The following CADPS2 variants were observed in gnomAD, a reference collection of about 807,000 sequenced individuals.
CADPS2 encodes calcium-dependent secretion activator 2.
Under a neutral mutation model 172.5 loss-of-function variants are expected in CADPS2, and 93 were observed. The ratio of observed to expected loss-of-function variants is 0.54; its 90% CI spans 0.46 to 0.64. The LOEUF is 0.64. Among genes scored for constraint, CADPS2 ranks in the 30% least tolerant of loss-of-function variants. The pLI is 0.00. For missense variants in CADPS2, 1,420 were observed against 1,565.9 expected, an observed-to-expected ratio of 0.91 and a Z score of 1.57; for synonymous variants, 546 against 555.2, an observed-to-expected ratio of 0.98 and a Z score of 0.23.
intron 2 of CADPS2, among the ~76,000 whole-genome samples, chr7:122,715,997 A>G (rs889006840): frequency 2.2e-4 from 33 of 152,224 alleles, no homozygotes; most frequent in Admixed American, 2.0e-3. Context: ...CAAAATTGCT[A>G]GAAGAATACA....
At chr7:122,720,391 A>C (rs970058233) in intron 2 of CADPS2, among the ~76,000 whole-genome samples, 1 of 151,616 alleles carries the variant, frequency 6.6e-6, no homozygotes, top group Non-Finnish European at 1.5e-5. Context: ...GGTACTGTGA[A>C]AGCATAAAAG....
chr7:122,721,772 A>G (rs1588734595), intron 2 of CADPS2, among the ~76,000 whole-genome samples: 1 of 152,058 alleles, frequency 6.6e-6, no homozygotes, highest in Non-Finnish European at 1.5e-5. Flanking sequence ...CCCTGATGAA[A>G]ATCGATGCAA....
At position 122,388,643 on chromosome 7, in the gene CADPS2, T is replaced by C. The variant is rs766605073; in HGVS notation, c.3104A>G (p.His1035Arg). 1.2e-6 allele frequency: 2 copies of C among 1,610,864 alleles called. No homozygotes were observed. The highest frequency in any genetic ancestry group is 1.7e-6 in the Non-Finnish European group (2 of 1,178,140). The change falls in exon 23 of 30, where the codon CAC (histidine) becomes CGC (arginine). Residue 1035 changes from histidine (H) to arginine (R), a missense_variant. His to Arg is a conservative substitution (Grantham distance 29, BLOSUM62 0). Transcript: ENST00000449022. ...DLHWPEQEFA[H>R]HLEQRLKLMA... ...TAGTTTAAGTCTTTGCTCTAAGTGGTGGGCAAATTCCTGTTCTGGCCAGTG... is the reference window on the plus strand; with the variant it reads ...TAGTTTAAGTCTTTGCTCTAAGTGGCGGGCAAATTCCTGTTCTGGCCAGTG...
At chr7:122,857,471 T>C (rs1815618330) in intron 1 of CADPS2, among the ~76,000 whole-genome samples, 1 of 152,168 alleles carries the variant, frequency 6.6e-6, no homozygotes, top group Non-Finnish European at 1.5e-5. Flanking sequence ...AATGTTACTT[T>C]GGGGAAAGGA....
At chr7:122,714,279 G>C (rs1201179391) in intron 2 of CADPS2, among the ~76,000 whole-genome samples, 1 of 152,040 alleles carries the variant, frequency 6.6e-6, no homozygotes, top group Non-Finnish European at 1.5e-5. Flanking sequence ...TGGTTAATCT[G>C]AAAATACATG....
intron 7 of CADPS2, among the ~76,000 whole-genome samples, chr7:122,571,151 A>G (rs1053664353): frequency 3.9e-5 from 6 of 152,138 alleles, no homozygotes; most frequent in Non-Finnish European, 5.9e-5. Flanking sequence ...AAATTCAAAA[A>G]TGAGAAAACA....
At chr7:122,698,903 C>A in intron 2 of CADPS2, 2 of 1,587,464 alleles carry the variant, frequency 1.3e-6, no homozygotes, top group Non-Finnish European at 8.6e-7. Flanking sequence ...CAAGTGCCAA[C>A]CTTGAGTAGA....
chr7:122,499,113 C>T (rs7778137), intron 9 of CADPS2, among the ~76,000 whole-genome samples: 63,579 of 152,136 alleles, frequency 0.42, 13,708 homozygotes, highest in African/African-American at 0.53. Context: ...TACAAGCTAA[C>T]AGTTAAAAAT....
rs10487751 is a variant in CADPS2, at chr7:122,774,616, T to G, written c.340-37548A>C. Among the ~76,000 whole-genome samples, 1,532 of 152,268 alleles carry G rather than the reference T, an allele frequency of 0.01. 111 individuals are homozygous for G. The East Asian group carries it at 0.21, about 21-fold the overall frequency. On this transcript the variant is annotated intron_variant, in intron 1 of 29. Coordinates refer to ENST00000449022, the MANE Select transcript of CADPS2 (RefSeq NM_017954.11). ...GCTATAGAGTACATTTCTTATCAAT[T>G]CTGCAGTCTAATTTCACATCTGATA... is the stretch of plus-strand genomic sequence containing the variant.
At chr7:122,682,645 A>G (rs1337064593) in intron 2 of CADPS2, among the ~76,000 whole-genome samples, 3 of 152,224 alleles carry the variant, frequency 2.0e-5, no homozygotes, top group Non-Finnish European at 2.9e-5. Flanking sequence ...TTCCAACTTC[A>G]ATTACAGAAT....
At chr7:122,793,020 C>T (rs1002933093) in intron 1 of CADPS2, among the ~76,000 whole-genome samples, 3 of 152,132 alleles carry the variant, frequency 2.0e-5, no homozygotes, top group African/African-American at 4.8e-5. Context: ...TACCTTTCAG[C>T]CATATCATTA....
intron 3 of CADPS2, among the ~76,000 whole-genome samples, chr7:122,631,160 AAT>A (rs1304847371): frequency 2.6e-5 from 4 of 152,312 alleles, no homozygotes; most frequent in African/African-American, 9.6e-5. Context: ...CACTAAATGT[AAT>A]ATGAAATATA....
intron 1 of CADPS2, among the ~76,000 whole-genome samples, chr7:122,814,586 C>G (rs910423682): frequency 6.6e-4 from 101 of 151,996 alleles, no homozygotes; most frequent in African/African-American, 2.4e-3. Context: ...TTTATTGGAA[C>G]ACAGCCGTAC....
rs114097630 is a variant in CADPS2 at position 122,441,964 on chromosome 7, C to T, written c.2289-389G>A. On this transcript the variant is annotated intron_variant, in intron 15 of 29. Transcript: ENST00000449022. ...TTTCCCTCATTTCCTCCTGTGGCTA[C>T]TTGTGGTTTAGGGTGGCCACATATA... Among the ~76,000 whole-genome samples, 1,193 of 152,280 alleles carry T rather than the reference C, an allele frequency of 7.8e-3. 18 individuals carry two copies. The highest frequency in any genetic ancestry group is 0.027 in the African/African-American group (1,132 of 41,566).
At chr7:122,361,115 C>A in intron 25 of CADPS2, 102 bp from the exon 26 acceptor site, 2 of 904,528 alleles carry the variant, frequency 2.2e-6, no homozygotes, top group Admixed American at 2.2e-5. Flanking sequence ...CACAAAAATT[C>A]ACAATGAATG....
At chr7:122,343,525 T>A (rs2037107733) in intron 28 of CADPS2, among the ~76,000 whole-genome samples, 1 of 152,174 alleles carries the variant, frequency 6.6e-6, no homozygotes, top group Non-Finnish European at 1.5e-5. Context: ...AAGTAGAGAA[T>A]AACTTCAAGG....
intron 4 of CADPS2, 72 bp from the exon 5 acceptor site, chr7:122,621,789 T>C (rs1277253712): frequency 1.2e-6 from 1 of 816,436 alleles, no homozygotes; most frequent in East Asian, 2.7e-5. Context: ...AATTGTATGA[T>C]ATATATACTT....
At chr7:122,699,999 A>G (rs929631569) in intron 2 of CADPS2, among the ~76,000 whole-genome samples, 1 of 152,184 alleles carries the variant, frequency 6.6e-6, no homozygotes, top group Non-Finnish European at 1.5e-5. Flanking sequence ...AAGATTCCAC[A>G]GGCTCTGTCC....
chr7:122,521,104 G>C (rs1481697836), intron 8 of CADPS2, among the ~76,000 whole-genome samples: 1 of 152,078 alleles, frequency 6.6e-6, no homozygotes, highest in Non-Finnish European at 1.5e-5. Context: ...ATATAGAGTA[G>C]TTTAGTCCTG....
Sources: allele counts gnomAD v4.1 joint callset (sites outside exome capture counted in the v4.1 genomes callset), GRCh38; gene constraint gnomAD v4.1.1; transcripts MANE v1.5; gene names NCBI Gene and HGNC (gene_info 2026-07-23, HGNC 2026-07-21).